Variants in GDA observed in about 807,000 individuals in gnomAD.
The protein encoded by GDA is cytoplasmic PSD-95 interactor.
GDA carries 18 observed loss-of-function variants against 59.6 expected under a neutral mutation model. That is an observed-to-expected ratio of 0.30 (90% CI 0.21 to 0.45). The LOEUF (loss-of-function observed/expected upper bound fraction) is 0.45, where lower values mean the gene tolerates loss of function less well. Among genes scored for constraint, GDA ranks in the 20% least tolerant of loss-of-function variants. The pLI, the probability that GDA is intolerant of heterozygous loss-of-function variation, is 1.00. For missense variants in GDA, 427 were observed against 552.3 expected (o/e 0.77, Z 2.27); for synonymous variants, 201 against 201.1 (o/e 1.00, Z 0.00).
intron 6 of GDA, among the ~76,000 whole-genome samples, chr9:72,220,310 T>C (rs1836707514): frequency 6.6e-6 from 1 of 152,214 alleles, no homozygotes; most frequent in African/African-American, 2.4e-5. Context: ...TGTGTTTTGT[T>C]TTAAATACAT....
At chr9:72,168,172 G>A (rs1829539004) in intron 1 of GDA, among the ~76,000 whole-genome samples, 1 of 152,126 alleles carries the variant, frequency 6.6e-6, no homozygotes, top group African/African-American at 2.4e-5. Context: ...CAAAGCAGGA[G>A]GATCACTTGA....
chr9:72,258,993 C>G (rs1289116835), downstream of GDA, among the ~76,000 whole-genome samples: 1 of 151,992 alleles, frequency 6.6e-6, no homozygotes, highest in African/African-American at 2.4e-5. Context: ...CAGCATTTTC[C>G]ACTGGCTCAA....
chr9:72,193,787 A>G (rs1832840211), intron 1 of GDA: 1 of 152,292 alleles, frequency 6.6e-6, no homozygotes, highest in African/African-American at 2.4e-5. Context: ...GCTAGCGATT[A>G]GAGTCGAAAG....
intron 1 of GDA, among the ~76,000 whole-genome samples, chr9:72,156,505 G>A (rs575666294): frequency 6.6e-6 from 1 of 152,272 alleles, no homozygotes; most frequent in South Asian, 2.1e-4. Context: ...CTGAATAGGA[G>A]CTTGGCTTTC....
At chr9:72,120,382 C>T (rs1313511645) in intron 1 of GDA, among the ~76,000 whole-genome samples, 4 of 152,198 alleles carry the variant, frequency 2.6e-5, no homozygotes, top group Middle Eastern at 3.4e-3. Context: ...TTAGCAGAGA[C>T]AAGCTTTCAC....
intron 1 of GDA, among the ~76,000 whole-genome samples, chr9:72,176,465 C>T (rs912804263): frequency 1.3e-5 from 2 of 152,116 alleles, no homozygotes; most frequent in African/African-American, 2.4e-5. Flanking sequence ...ATTTTGTGGG[C>T]GTATTTTAGA....
chr9:72,227,898 T>C (rs1837793676), intron 8 of GDA, 45 bp from the exon 9 acceptor site: 2 of 1,011,166 alleles, frequency 2.0e-6, no homozygotes, highest in South Asian at 2.6e-5. Flanking sequence ...ACCCACTTAA[T>C]CATTTGTGAG....
Position 72,225,759 on chromosome 9 carries a change from A to T in GDA, c.797A>T (p.Asp266Val). The T allele has an allele frequency of 7.0e-7, 1 of 1,431,776 alleles. No homozygotes were observed. Among genetic ancestry groups the T allele is most frequent in the Non-Finnish European group, 9.7e-7 (1 of 1,026,568 alleles). 88.7% of individuals were successfully genotyped at this position (1,431,776 alleles called of 1,614,324 possible). A position where few individuals can be genotyped will look rare whatever the true frequency, so the allele number is the denominator to read the frequency against. ...PSYKNYTSVY[D>V]KNNLLTNKTV... ...TATAAAAACTACACATCTGTGTATG[A>T]TAAAAACAATCTTTTGACAAATAAG... Residue 266 changes from aspartate (D) to valine (V), a missense_variant, in exon 8 of 14, where the codon GAT becomes GTT. Asp to Val is a radical substitution (Grantham distance 152). Transcript: ENST00000358399.
intron 10 of GDA, among the ~76,000 whole-genome samples, chr9:72,234,553 CG>C (rs1838739880): frequency 6.6e-6 from 1 of 151,972 alleles, no homozygotes; most frequent in Admixed American, 6.6e-5. Context: ...TGAGGATGAT[CG>C]ATGTGAAGCC....
intron 1 of GDA, among the ~76,000 whole-genome samples, chr9:72,157,135 G>A (rs968953533): frequency 6.7e-6 from 1 of 149,096 alleles, no homozygotes; most frequent in East Asian, 2.0e-4. Context: ...CGCCTCCTGG[G>A]TTCAAGCGAT....
chr9:72,135,328 T>C (rs1826182138), intron 1 of GDA, among the ~76,000 whole-genome samples: 3 of 152,198 alleles, frequency 2.0e-5, no homozygotes, highest in South Asian at 4.1e-4. Flanking sequence ...TTTTATATTC[T>C]AGCTACTATG....
At chr9:72,252,268 T>TATCA (rs1290269405), downstream of GDA, 1 of 152,634 alleles carries the variant, frequency 6.6e-6, no homozygotes, top group Non-Finnish European at 1.5e-5. Flanking sequence ...TTGTGAATTC[T>TATCA]ATCAATCTGC....
intron 10 of GDA, among the ~76,000 whole-genome samples, chr9:72,237,045 G>A (rs890450579): frequency 6.6e-6 from 1 of 152,100 alleles, no homozygotes; most frequent in African/African-American, 2.4e-5. Context: ...CTCCCACAGT[G>A]CTGGGATTGC....
At chr9:72,201,192 AATT>A (rs1410267529) in intron 2 of GDA, among the ~76,000 whole-genome samples, 88 of 131,300 alleles carry the variant, frequency 6.7e-4, no homozygotes, top group African/African-American at 2.2e-3. Context: ...AGTCACACAG[AATT>A]TTTTTTTTTT....
chr9:72,168,476 C>A (rs776225478), intron 1 of GDA, among the ~76,000 whole-genome samples: 1 of 145,078 alleles, frequency 6.9e-6, no homozygotes, highest in African/African-American at 2.5e-5. Flanking sequence ...CTCACTGCAA[C>A]CTCTTCCTTC....
At chr9:72,180,409 C>A (rs1490881825) in intron 1 of GDA, among the ~76,000 whole-genome samples, 1 of 151,742 alleles carries the variant, frequency 6.6e-6, no homozygotes, top group African/African-American at 2.4e-5. Context: ...GTAGGGAGTA[C>A]TTTTGTGTGT....
intron 1 of GDA, among the ~76,000 whole-genome samples, chr9:72,192,487 C>T (rs1194934795): frequency 6.6e-6 from 1 of 151,076 alleles, no homozygotes; most frequent in African/African-American, 2.4e-5. Context: ...GCCTCGGCCT[C>T]CCAAAGTGCT....
chr9:72,168,394 T>G (rs1264036602), intron 1 of GDA, among the ~76,000 whole-genome samples: 1 of 147,164 alleles, frequency 6.8e-6, no homozygotes, highest in African/African-American at 2.5e-5. Flanking sequence ...CTTTGTCTTT[T>G]TTTTTTTTTT....
At chr9:72,223,455 A>C (rs762679273) in intron 7 of GDA, among the ~76,000 whole-genome samples, 1 of 152,290 alleles carries the variant, frequency 6.6e-6, no homozygotes, top group South Asian at 2.1e-4. Context: ...TATACCCTCA[A>C]TGTTTTCTGA....
Sources: allele counts gnomAD v4.1 joint callset (sites outside exome capture counted in the v4.1 genomes callset), GRCh38; gene constraint gnomAD v4.1.1; transcripts MANE v1.5; gene names NCBI Gene and HGNC (gene_info 2026-07-23, HGNC 2026-07-21).